The following ARHGAP20 variants were observed in gnomAD, a reference collection of about 807,000 sequenced individuals.
ARHGAP20 encodes Rho GTPase activating protein 20.
A neutral mutation model predicts 73.7 loss-of-function variants in ARHGAP20; 34 were observed. That is an observed-to-expected ratio of 0.46 (90% confidence interval 0.35 to 0.61). The LOEUF is 0.61. ARHGAP20 is among the 20% of genes least tolerant of loss of function. The pLI is 0.00. For synonymous variants in ARHGAP20, 523 were observed against 518.2 expected, an observed-to-expected ratio of 1.01 and a Z score of -0.13; for missense variants, 1,314 against 1,420.9, an observed-to-expected ratio of 0.92 and a Z score of 1.21.
intron 4 of ARHGAP20, 85 bp downstream of exon 4, chr11:110,624,077 C>CA (rs1948684451): frequency 6.8e-7 from 1 of 1,462,894 alleles, no homozygotes. Context: ...AGAGGAACAA[C>CA]ATTTGATTAA....
At position 110,698,366 on chromosome 11, in the gene ARHGAP20, T is replaced by C. The variant is rs979873481; in HGVS notation, c.106-7737A>G. Among the ~76,000 whole-genome samples the C allele has an allele frequency of 2.6e-5, 4 of 151,882 alleles. No homozygotes were observed. The South Asian group carries it at 6.2e-4, about 24-fold the overall frequency. ...TCTGCATCTACGTTCATCAGAGATA[T>C]TAGCCTATAGTTTTTGTTTTCCATT... is the stretch of plus-strand genomic sequence containing the variant. On this transcript the variant is annotated intron_variant, in intron 1 of 14. Coordinates refer to ENST00000683387, the MANE Select transcript of ARHGAP20 (RefSeq NM_001384657.1).
chr11:110,656,282 G>A (rs1049631403), intron 2 of ARHGAP20, among the ~76,000 whole-genome samples: 1 of 152,100 alleles, frequency 6.6e-6, no homozygotes, highest in Non-Finnish European at 1.5e-5. Flanking sequence ...GGCTAAGCCT[G>A]TGTACCTGAG....
intron 2 of ARHGAP20, among the ~76,000 whole-genome samples, chr11:110,646,650 T>C (rs1949200077): frequency 6.6e-6 from 1 of 152,166 alleles, no homozygotes; most frequent in Non-Finnish European, 1.5e-5. Flanking sequence ...TATATTAAGA[T>C]GGTTATCTAT....
In ARHGAP20 at chr11:110,712,212, TG is replaced by T. The variant is rs2135170089; in HGVS notation, c.19del (p.Gln7SerfsTer5). 7 of 1,366,404 alleles carry T rather than the reference TG, an allele frequency of 5.1e-6. No homozygotes were observed. The highest frequency in any genetic ancestry group is 2.8e-5 in the Admixed American group (1 of 35,604). The allele number at this position is 1,366,404 out of a possible 1,614,324, so 84.6% of individuals were successfully genotyped here. On this transcript the variant is annotated frameshift_variant, in exon 1 of 15. Transcript: ENST00000683387. LOFTEE classifies it high-confidence loss of function. MEAMSP[Q>X]QETLGGQPGR... ...CGGCTGTCCCCCTAGAGTCTCCTGC[TG>T]GGGGGACATCGCTTCCATGAAGAAA...
intron 3 of ARHGAP20, among the ~76,000 whole-genome samples, chr11:110,626,293 T>C (rs1156447990): frequency 2.0e-5 from 3 of 152,116 alleles, no homozygotes; most frequent in African/African-American, 2.4e-5. Context: ...TCCGTTGACC[T>C]GGAAAAAAAG....
chr11:110,711,818 C>T (rs1950665267), intron 1 of ARHGAP20: 1 of 1,323,512 alleles, frequency 7.6e-7, no homozygotes, highest in South Asian at 2.1e-5. Flanking sequence ...AGCCCGCGCG[C>T]CTAGACTGAG....
At chr11:110,708,451 G>A (rs1591198526) in intron 1 of ARHGAP20, among the ~76,000 whole-genome samples, 1 of 135,778 alleles carries the variant, frequency 7.4e-6, no homozygotes, top group African/African-American at 2.9e-5. Context: ...GTTCACAGCA[G>A]TTTTGTGATA....
chr11:110,612,353 G>A (rs577311895), intron 6 of ARHGAP20, among the ~76,000 whole-genome samples: 51 of 151,642 alleles, frequency 3.4e-4, no homozygotes, highest in African/African-American at 1.1e-3. Context: ...GCTTGAACCC[G>A]GGAGGCGGAG....
chr11:110,589,560 G>T (rs1947768292), intron 11 of ARHGAP20: 1 of 985,298 alleles, frequency 1.0e-6, no homozygotes, highest in Admixed American at 6.2e-5. Context: ...AATCCTTTGG[G>T]AGGTGAGAGC....
chr11:110,638,556 G>A (rs1949015461), intron 2 of ARHGAP20, among the ~76,000 whole-genome samples: 1 of 151,774 alleles, frequency 6.6e-6, no homozygotes, highest in Non-Finnish European at 1.5e-5. Context: ...ACATAAAAGA[G>A]ATTGTTAAAA....
intron 3 of ARHGAP20, among the ~76,000 whole-genome samples, chr11:110,625,036 T>A (rs201184711): frequency 0.03 from 3,317 of 109,388 alleles, 61 homozygotes; most frequent in South Asian, 0.05. Flanking sequence ...ATTTTTATTT[T>A]TTTTTTTTTT....
chr11:110,613,899 TAA>T (rs1017017767), intron 6 of ARHGAP20, among the ~76,000 whole-genome samples: 9 of 152,340 alleles, frequency 5.9e-5, no homozygotes, highest in Middle Eastern at 3.4e-3. Context: ...AAAATATTCA[TAA>T]GTTTTCATAT....
At chr11:110,710,807 C>T (rs752420366) in intron 1 of ARHGAP20, among the ~76,000 whole-genome samples, 1 of 152,206 alleles carries the variant, frequency 6.6e-6, no homozygotes, top group Non-Finnish European at 1.5e-5. Flanking sequence ...TTCAACTGAC[C>T]TCTAGCCAAC....
intron 11 of ARHGAP20, among the ~76,000 whole-genome samples, chr11:110,586,544 C>A (rs182631158): frequency 2.6e-5 from 4 of 152,034 alleles, no homozygotes; most frequent in African/African-American, 9.7e-5. Flanking sequence ...GTCTTCATTA[C>A]GGTGGGAAAA....
At chr11:110,610,534 G>C (rs1231658420) in intron 7 of ARHGAP20, among the ~76,000 whole-genome samples, 1 of 152,076 alleles carries the variant, frequency 6.6e-6, no homozygotes, top group Admixed American at 6.5e-5. Flanking sequence ...CCTTTTGAAA[G>C]TCATTCCCTT....
chr11:110,683,490 G>A (rs1336732478), intron 2 of ARHGAP20, among the ~76,000 whole-genome samples: 2 of 152,086 alleles, frequency 1.3e-5, no homozygotes, highest in African/African-American at 4.8e-5. Context: ...TGCAAATGGA[G>A]ACATTAATTT....
intron 2 of ARHGAP20, among the ~76,000 whole-genome samples, chr11:110,653,157 C>G (rs1374899256): frequency 6.6e-6 from 1 of 152,174 alleles, no homozygotes; most frequent in East Asian, 1.9e-4. Flanking sequence ...AAGACATAGG[C>G]ATGGGCAAAG....
At chr11:110,694,521 T>C (rs560188083) in intron 1 of ARHGAP20, among the ~76,000 whole-genome samples, 1 of 151,872 alleles carries the variant, frequency 6.6e-6, no homozygotes, top group African/African-American at 2.4e-5. Flanking sequence ...TTTTATCTTT[T>C]ACATTTAAAT....
At chr11:110,594,380 A>G (rs1947901643) in intron 9 of ARHGAP20, among the ~76,000 whole-genome samples, 1 of 152,226 alleles carries the variant, frequency 6.6e-6, no homozygotes, top group South Asian at 2.1e-4. Context: ...AAGGATATGA[A>G]TTAGCCCTCA....
Sources: gnomAD v4.1 joint callset for allele counts (sites outside exome capture counted in the v4.1 genomes callset) on GRCh38, gnomAD v4.1.1 for gene constraint, MANE v1.5 for transcripts, NCBI Gene and HGNC (gene_info 2026-07-23, HGNC 2026-07-21) for gene names.